CCSER1: variants seen among roughly 807,000 people sequenced by gnomAD.
The protein encoded by CCSER1 is serine-rich coiled-coil domain-containing protein 1.
A neutral mutation model predicts 82.0 loss-of-function variants in CCSER1; 41 were observed. That is an observed-to-expected ratio of 0.50 (90% CI 0.39 to 0.65). CCSER1 has a LOEUF of 0.65. Ranked by LOEUF, CCSER1 falls within the 30% of genes least tolerant of loss-of-function variation. The probability of loss-of-function intolerance (pLI) is 0.00; values close to 1 mark genes in which losing one functional copy is unlikely to be tolerated. For synonymous variants in CCSER1, 414 were observed against 383.9 expected (o/e 1.08, Z -0.92); for missense variants, 1,119 against 1,064.2 (o/e 1.05, Z -0.72).
chr4:90,199,757 G>A (rs1204707103), intron 1 of CCSER1, among the ~76,000 whole-genome samples: 2 of 152,038 alleles, frequency 1.3e-5, no homozygotes, highest in Admixed American at 6.6e-5. Context: ...AATAGATTTT[G>A]TGTTTTTTTC....
rs527716378 is a variant in CCSER1, at chr4:91,269,811, TAAA to T, written c.2217+183823_2217+183825del. ...AAGATAATACAATTAAAACTCTACT[TAAA>T]AAAAATTCATACCCCTTTAGATTCC... is the stretch of plus-strand genomic sequence containing the variant. On this transcript the variant is annotated intron_variant, in intron 10 of 10. Transcript: ENST00000509176. Among the ~76,000 whole-genome samples the T allele has an allele frequency of 1.7e-3, 259 of 152,126 alleles. 2 individuals carry two copies. The highest frequency in any genetic ancestry group is 5.8e-3 in the African/African-American group (241 of 41,518).
rs1415633934 is a variant in CCSER1, at chr4:91,360,193, T to C, written c.2218-238379T>C. Among the ~76,000 whole-genome samples, 28 of 151,814 alleles carry C rather than the reference T, an allele frequency of 1.8e-4. 1 individual carries two copies. Among genetic ancestry groups the C allele is most frequent in the Admixed American group, 1.7e-3 (26 of 15,166 alleles). On this transcript the variant is annotated intron_variant, in intron 10 of 10. Transcript: ENST00000509176. ...TGACTCTGCTATGCTATAAAATTGA[T>C]GTGTGGGAAAGATACTTCTGTTCCC...
At chr4:91,278,707 T>G (rs1364899352) in intron 10 of CCSER1, among the ~76,000 whole-genome samples, 1 of 152,116 alleles carries the variant, frequency 6.6e-6, no homozygotes, top group Non-Finnish European at 1.5e-5. Flanking sequence ...ATATGTGAGG[T>G]TTTTTTCTTG....
intron 5 of CCSER1, among the ~76,000 whole-genome samples, chr4:90,566,276 G>A (rs1779367753): frequency 6.6e-6 from 1 of 151,874 alleles, no homozygotes; most frequent in Admixed American, 6.6e-5. Context: ...TCTTTGCCTG[G>A]CTTTGGTATT....
chr4:90,395,915 C>CAAAAAA (rs57765593), intron 3 of CCSER1, among the ~76,000 whole-genome samples: 1 of 102,072 alleles, frequency 9.8e-6, no homozygotes, highest in African/African-American at 3.3e-5. Context: ...ACTAAAAATA[C>CAAAAAA]AAAAAAAAAA....
At chr4:91,237,408 ATATT>A (rs1347731325) in intron 10 of CCSER1, among the ~76,000 whole-genome samples, 2 of 151,034 alleles carry the variant, frequency 1.3e-5, no homozygotes, top group Non-Finnish European at 2.9e-5. Context: ...AAGTTTATAT[ATATT>A]GTCATATATA....
At chr4:90,377,128 C>G (rs1275880376) in intron 3 of CCSER1, among the ~76,000 whole-genome samples, 1 of 152,146 alleles carries the variant, frequency 6.6e-6, no homozygotes, top group South Asian at 2.1e-4. Context: ...TTCTTTGTGT[C>G]TGTACCAGGA....
chr4:91,046,831 C>A (rs968634884), intron 9 of CCSER1, among the ~76,000 whole-genome samples: 3 of 152,028 alleles, frequency 2.0e-5, no homozygotes, highest in Non-Finnish European at 2.9e-5. Context: ...AATTCCCCTG[C>A]CTCAGCCTCC....
intron 3 of CCSER1, among the ~76,000 whole-genome samples, chr4:90,395,214 T>A (rs1298197606): frequency 1.3e-5 from 2 of 152,220 alleles, no homozygotes; most frequent in Non-Finnish European, 2.9e-5. Context: ...TAGTGTAATG[T>A]CCTCCATGTT....
intron 10 of CCSER1, among the ~76,000 whole-genome samples, chr4:91,112,290 T>C (rs1726160908): frequency 6.6e-6 from 1 of 151,618 alleles, no homozygotes; most frequent in Non-Finnish European, 1.5e-5. Context: ...TTTTTGACAC[T>C]TTTTTTTCTT....
intron 9 of CCSER1, among the ~76,000 whole-genome samples, chr4:90,949,291 A>G (rs2150349872): frequency 6.6e-6 from 1 of 152,260 alleles, no homozygotes; most frequent in South Asian, 2.1e-4. Context: ...TCAAATATTT[A>G]AGAATTTCTT....
intron 7 of CCSER1, among the ~76,000 whole-genome samples, chr4:90,729,647 G>A (rs1004686656): frequency 3.9e-5 from 6 of 152,096 alleles, no homozygotes; most frequent in African/African-American, 1.4e-4. Flanking sequence ...AGGCTGAGGC[G>A]GTTGGATCAC....
chr4:91,572,923 T>A (rs1431807686), intron 10 of CCSER1, among the ~76,000 whole-genome samples: 1 of 151,908 alleles, frequency 6.6e-6, no homozygotes, highest in Non-Finnish European at 1.5e-5. Flanking sequence ...AGAGGCTGGA[T>A]CAGCTAAGTC....
intron 10 of CCSER1, among the ~76,000 whole-genome samples, chr4:91,217,277 A>T (rs1035563952): frequency 6.6e-6 from 1 of 152,144 alleles, no homozygotes; most frequent in African/African-American, 2.4e-5. Flanking sequence ...TCATTCTCTT[A>T]TCTGGCCCCA....
intron 8 of CCSER1, among the ~76,000 whole-genome samples, chr4:90,821,700 TA>T (rs2149789201): frequency 1.3e-5 from 2 of 152,294 alleles, no homozygotes; most frequent in East Asian, 3.9e-4. Context: ...ATTTGCATCA[TA>T]AGTTTAATTT....
chr4:91,027,286 A>T (rs1740567557), intron 9 of CCSER1, among the ~76,000 whole-genome samples: 1 of 152,094 alleles, frequency 6.6e-6, no homozygotes, highest in Admixed American at 6.6e-5. Flanking sequence ...TACTAGACAC[A>T]TAATCCTAAA....
intron 9 of CCSER1, among the ~76,000 whole-genome samples, chr4:90,995,503 T>C (rs1737412930): frequency 6.6e-6 from 1 of 152,152 alleles, no homozygotes; most frequent in Non-Finnish European, 1.5e-5. Flanking sequence ...GGATATTTTT[T>C]TCACTATATA....
intron 7 of CCSER1, among the ~76,000 whole-genome samples, chr4:90,807,662 A>C (rs1464777961): frequency 1.3e-5 from 2 of 152,078 alleles, no homozygotes; most frequent in African/African-American, 4.8e-5. Context: ...AAAAAAAAAA[A>C]AACTTATGAA....
chr4:91,365,259 C>G (rs1035914615), intron 10 of CCSER1, among the ~76,000 whole-genome samples: 1 of 152,118 alleles, frequency 6.6e-6, no homozygotes, highest in Non-Finnish European at 1.5e-5. Context: ...TACATCCATG[C>G]GTGCATCATA....
Sources: allele counts gnomAD v4.1 joint callset (sites outside exome capture counted in the v4.1 genomes callset), GRCh38; gene constraint gnomAD v4.1.1; transcripts MANE v1.5; gene names NCBI Gene and HGNC (gene_info 2026-07-23, HGNC 2026-07-21).